Variants in METTL14 observed in about 807,000 individuals in gnomAD.
METTL14 encodes methyltransferase 14, N6-adenosine-methyltransferase non-catalytic subunit.
In METTL14, 32 loss-of-function variants were observed where a neutral mutation model predicts 62.4. The ratio of observed to expected loss-of-function variants is 0.51; its 90% CI spans 0.39 to 0.69. The LOEUF (loss-of-function observed/expected upper bound fraction) is 0.69. Ranked by LOEUF, METTL14 falls within the 30% of genes least tolerant of loss-of-function variation. The probability of loss-of-function intolerance (pLI) is 0.00; values close to 1 mark genes in which losing one functional copy is unlikely to be tolerated. For synonymous variants in METTL14, 150 were observed against 180.0 expected, an observed-to-expected ratio of 0.83 and a Z score of 1.34; for missense variants, 340 against 551.9, an observed-to-expected ratio of 0.62 and a Z score of 3.85.
intron 9 of METTL14, 54 bp from the exon 10 acceptor site, chr4:118,705,557 T>G: frequency 2.1e-6 from 3 of 1,403,130 alleles, no homozygotes; most frequent in Non-Finnish European, 3.0e-6. Context: ...ATGTGAAAGG[T>G]TTTGGAATGA....
Position 118,697,181 on chromosome 4 carries a change from G to T in METTL14, c.504-1G>T. On this transcript the variant is annotated splice_acceptor_variant, in intron 6 of 10. Coordinates refer to ENST00000388822, the MANE Select transcript of METTL14 (RefSeq NM_020961.4). LOFTEE classifies it high-confidence loss of function. ...TCATTTTTAATGCTTTAATCAAATA[G>T]GTACTTACAAGCCGATATAGAAGCC... The T allele has an allele frequency of 6.3e-7, 1 of 1,582,546 alleles. No homozygotes were observed. The highest frequency in any genetic ancestry group is 8.5e-7 in the Non-Finnish European group (1 of 1,170,572).
chr4:118,687,489 A>G (rs944801534), intron 1 of METTL14, among the ~76,000 whole-genome samples: 3 of 152,172 alleles, frequency 2.0e-5, no homozygotes, highest in Admixed American at 6.5e-5. Flanking sequence ...TGACTTTATG[A>G]TGGTTTGAGA....
chr4:118,691,664 C>G (rs770974090), intron 4 of METTL14, 52 bp downstream of exon 4: 3 of 885,540 alleles, frequency 3.4e-6, no homozygotes, highest in South Asian at 3.7e-5. Context: ...AAGTTCTATA[C>G]CTGAAAAGAT....
At chr4:118,699,072 G>C (rs564079046) in intron 7 of METTL14, among the ~76,000 whole-genome samples, 32 of 152,318 alleles carry the variant, frequency 2.1e-4, no homozygotes, top group African/African-American at 7.2e-4. Flanking sequence ...GTTTCAAGGA[G>C]AGTGTAATCA....
chr4:118,692,823 C>T (rs903063947), intron 5 of METTL14, among the ~76,000 whole-genome samples: 3 of 152,076 alleles, frequency 2.0e-5, no homozygotes, highest in Non-Finnish European at 2.9e-5. Flanking sequence ...TCCCCATTTC[C>T]TCTCTCTCAT....
At position 118,685,405 on chromosome 4, in the gene METTL14, G is replaced by T; in HGVS notation, c.-130G>T. The T allele has an allele frequency of 2.2e-6, 2 of 924,158 alleles. No homozygotes were observed. The highest frequency in any genetic ancestry group is 3.5e-6 in the Non-Finnish European group (2 of 575,846). The allele number at this position is 924,158 out of a possible 1,614,324, so 57.2% of individuals were successfully genotyped here. On this transcript the variant is annotated 5_prime_UTR_variant, in exon 1 of 11. It adds an upstream start codon to the 5' untranslated region. Transcript: ENST00000388822. ...CGGCCGCGCCGGAAGTCTCTACTGA[G>T]GAAAGCTATGAGGATACTCTGTTCG...
chr4:118,688,451 A>AAG (rs1724144607), intron 2 of METTL14, among the ~76,000 whole-genome samples: 1 of 152,062 alleles, frequency 6.6e-6, no homozygotes, highest in Admixed American at 6.5e-5. Flanking sequence ...CAAAAAAAAA[A>AAG]AAAAAATGTG....
Position 118,711,141 on chromosome 4 carries a change from A to G in METTL14, c.*839A>G, listed in dbSNP as rs539157458. 1.9e-4 allele frequency: 29 copies of G among 152,312 alleles called. No individual in the cohort carries two copies. Among genetic ancestry groups the G allele is most frequent in the African/African-American group, 6.5e-4 (27 of 41,574 alleles). 9.4% of individuals were successfully genotyped at this position (152,312 alleles called of 1,614,324 possible). On this transcript the variant is annotated 3_prime_UTR_variant, in exon 11 of 11. Transcript: ENST00000388822. ...TGCTTGGTTTATACATTTTGGGACT[A>G]AAATACTTGGTGATGAAATGACATA...
intron 3 of METTL14, 109 bp downstream of exon 3, chr4:118,689,566 A>G (rs185424020): frequency 1.1e-4 from 61 of 579,026 alleles, no homozygotes; most frequent in African/African-American, 5.5e-4. Context: ...AAGATGTGCT[A>G]AAATAATTGT....
Position 118,694,569 on chromosome 4 carries a change from TTAAAGTA to T in METTL14, c.503+45_503+51del, listed in dbSNP as rs755340805. ...ATTACTGTTTATTCCCAACTCAGGCTTAAAGTATCAGTTTGTTTATCCTATAACCTTT... is the reference window on the plus strand; with the variant it reads ...ATTACTGTTTATTCCCAACTCAGGCTTCAGTTTGTTTATCCTATAACCTTT... On this transcript the variant is annotated intron_variant, in intron 6 of 10. Coordinates refer to ENST00000388822, the MANE Select transcript of METTL14 (RefSeq NM_020961.4). The T allele has an allele frequency of 4.2e-6, 6 of 1,430,330 alleles. No individual in the cohort carries two copies. The East Asian group carries it at 1.1e-4, about 27-fold the overall frequency. 88.6% of individuals were successfully genotyped at this position (1,430,330 alleles called of 1,614,324 possible). A position where few individuals can be genotyped will look rare whatever the true frequency, so the allele number is the denominator to read the frequency against.
intron 9 of METTL14, 138 bp downstream of exon 9, chr4:118,704,189 G>A: frequency 1.7e-6 from 1 of 591,778 alleles, no homozygotes; most frequent in Non-Finnish European, 2.9e-6. Context: ...GAGCATTACA[G>A]GAATACATCC....
rs1725004101 is a variant in METTL14 at position 118,714,590 on chromosome 4, TTTTTTA to T, written c.*4300_*4305del. 1 of 152,224 alleles carries T rather than the reference TTTTTTA, an allele frequency of 6.6e-6. No individual in the cohort carries two copies. The highest frequency in any genetic ancestry group is 2.4e-5 in the African/African-American group (1 of 41,456). 9.4% of individuals were successfully genotyped at this position (152,224 alleles called of 1,614,324 possible). On this transcript the variant is annotated 3_prime_UTR_variant, in exon 11 of 11. Transcript: ENST00000388822. ...AACAAAATACCACATGCATATTTTC[TTTTTTA>T]TTTTTATTTTTTGAGACAGAGTCTC...
Position 118,713,121 on chromosome 4 carries a change from C to T in METTL14, c.*2819C>T, listed in dbSNP as rs189814738. Reference sequence around the variant, plus strand: ...AGCAGGAGTGTGGCATGGCAACCAACTCACAGATCCAGAGTTGAGAGGGAT... The same window carrying T: ...AGCAGGAGTGTGGCATGGCAACCAATTCACAGATCCAGAGTTGAGAGGGAT... On this transcript the variant is annotated 3_prime_UTR_variant, in exon 11 of 11. Transcript: ENST00000388822. The T allele has an allele frequency of 3.3e-5, 5 of 152,288 alleles. No individual in the cohort carries two copies. In the East Asian group the frequency reaches 9.7e-4, roughly 29 times the overall value. 9.4% of individuals were successfully genotyped at this position (152,288 alleles called of 1,614,324 possible).
intron 6 of METTL14, 128 bp from the exon 7 acceptor site, chr4:118,697,054 T>C: frequency 1.5e-6 from 1 of 648,386 alleles, no homozygotes; most frequent in East Asian, 3.0e-5. Flanking sequence ...ACTTTGTAAA[T>C]AGTGTTTAGT....
chr4:118,698,314 G>A (rs559041038), intron 7 of METTL14, among the ~76,000 whole-genome samples: 1 of 151,898 alleles, frequency 6.6e-6, no homozygotes, highest in South Asian at 2.1e-4. Flanking sequence ...TTAGCCGGGT[G>A]TGGTGGCACG....
chr4:118,703,184 A>G (rs1273795493), intron 8 of METTL14, among the ~76,000 whole-genome samples: 1 of 151,640 alleles, frequency 6.6e-6, no homozygotes, highest in African/African-American at 2.4e-5. Context: ...TTATTTGTTT[A>G]TTTTTCCCTC....
intron 7 of METTL14, among the ~76,000 whole-genome samples, chr4:118,698,394 A>G (rs778716417): frequency 6.1e-5 from 9 of 147,192 alleles, no homozygotes; most frequent in Non-Finnish European, 8.9e-5. Flanking sequence ...CGGAGGTTGC[A>G]GTGAGCCAAG....
rs10011169 is a variant in METTL14, at chr4:118,702,971, A to G, written c.739-964A>G. 7.2e-3 allele frequency among the ~76,000 whole-genome samples: 1,043 copies of G among 144,878 alleles called. 8 individuals carry two copies. Among genetic ancestry groups the G allele is most frequent in the African/African-American group, 0.025 (975 of 39,724 alleles). The stretch of plus-strand genomic sequence containing the variant: ...TATTATTATTATTATTATTATTATT[A>G]TTATTATACTTTAAGTTCTGGGATA... On this transcript the variant is annotated intron_variant, in intron 8 of 10. Coordinates refer to ENST00000388822, the MANE Select transcript of METTL14 (RefSeq NM_020961.4).
At chr4:118,697,030 T>A (rs954068613) in intron 6 of METTL14, 152 bp from the exon 7 acceptor site, 2 of 553,864 alleles carry the variant, frequency 3.6e-6, no homozygotes, top group East Asian at 6.3e-5. Context: ...CCTTTAGTAA[T>A]TAGGTTACTG....
Sources: gnomAD v4.1 joint callset for allele counts (sites outside exome capture counted in the v4.1 genomes callset) on GRCh38, gnomAD v4.1.1 for gene constraint, MANE v1.5 for transcripts, NCBI Gene and HGNC (gene_info 2026-07-23, HGNC 2026-07-21) for gene names.